ZSWIM6: variants seen among roughly 807,000 people sequenced by gnomAD.
The protein encoded by ZSWIM6 is zinc finger SWIM domain-containing protein 6.
In ZSWIM6, 9 loss-of-function variants were observed where a neutral mutation model predicts 113.2. The ratio of observed to expected loss-of-function variants is 0.08; its 90% CI spans 0.05 to 0.14. The LOEUF (loss-of-function observed/expected upper bound fraction) is 0.14. Ranked by LOEUF, ZSWIM6 falls within the 10% of genes least tolerant of loss-of-function variation. ZSWIM6 has a pLI of 1.00. For missense variants in ZSWIM6, 1,162 were observed against 1,552.2 expected (o/e 0.75, Z 4.22); for synonymous variants, 611 against 606.5 (o/e 1.01, Z -0.11).
chr5:61,535,264 T>C (rs1459526609), intron 9 of ZSWIM6, among the ~76,000 whole-genome samples: 1 of 152,234 alleles, frequency 6.6e-6, no homozygotes, highest in Non-Finnish European at 1.5e-5. Context: ...TTCATCTAGC[T>C]GTGGGACAGT....
intron 4 of ZSWIM6, among the ~76,000 whole-genome samples, chr5:61,519,583 G>A (rs779491210): frequency 2.0e-5 from 3 of 152,224 alleles, no homozygotes; most frequent in South Asian, 2.1e-4. Flanking sequence ...TTATCATTGG[G>A]AGGGACGGGT....
At chr5:61,493,968 T>G (rs1748252646) in intron 3 of ZSWIM6, among the ~76,000 whole-genome samples, 1 of 152,158 alleles carries the variant, frequency 6.6e-6, no homozygotes, top group Admixed American at 6.6e-5. Context: ...AGAGCATTTT[T>G]TCTTCATATG....
chr5:61,332,570 C>A lies in ZSWIM6; in HGVS notation c.298C>A (p.Arg100Ser). ...CCAGCGCGTGGAGGAGCGCTTTGAGCGCATCCCGGAGCCGGTGCAGCGCCG... is the reference window on the plus strand; with the variant it reads ...CCAGCGCGTGGAGGAGCGCTTTGAGAGCATCCCGGAGCCGGTGCAGCGCCG... The part of the protein sequence containing the change: ...PFQRVEERFE[R>S]IPEPVQRRIV... Residue 100 changes from arginine to serine, a missense_variant, in exon 1 of 14, where the codon CGC becomes AGC. Physicochemically the swap from Arg to Ser is moderately radical, Grantham distance 110. This residue lies in a region of ZSWIM6 where 333 missense variants were observed against 293.4 expected (regional missense o/e 1.13). Coordinates refer to ENST00000252744, the MANE Select transcript of ZSWIM6 (RefSeq NM_020928.2). The A allele has an allele frequency of 7.3e-7, 1 of 1,364,962 alleles. No homozygotes were observed. The highest frequency in any genetic ancestry group is 9.7e-7 in the Non-Finnish European group (1 of 1,032,234). The allele number at this position is 1,364,962 out of a possible 1,614,324, so 84.6% of individuals were successfully genotyped here.
chr5:61,332,437 G>A lies in ZSWIM6; in HGVS notation c.165G>A (p.Ala55=). The A allele has an allele frequency of 9.9e-7, 1 of 1,012,894 alleles. No individual in the cohort carries two copies. Among genetic ancestry groups the A allele is most frequent in the Non-Finnish European group, 1.2e-6 (1 of 850,918 alleles). The allele number at this position is 1,012,894 out of a possible 1,614,324, so 62.7% of individuals were successfully genotyped here. A position where few individuals can be genotyped will look rare whatever the true frequency, so the allele number is the denominator to read the frequency against. The change falls in exon 1 of 14, where the codon GCG becomes GCA. Residue 55 remains alanine, a synonymous_variant. Transcript: ENST00000252744. ...GPRAGGAAAA[A]ACGGGAALGL... is the part of the protein sequence containing the mutation. Reference sequence around the variant, plus strand: ...GGGCGGGTGGCGCGGCGGCGGCGGCGGCGTGCGGGGGCGGCGCGGCGCTGG... The same window carrying A: ...GGGCGGGTGGCGCGGCGGCGGCGGCAGCGTGCGGGGGCGGCGCGGCGCTGG...
intron 1 of ZSWIM6, among the ~76,000 whole-genome samples, chr5:61,396,459 A>G (rs1745839421): frequency 6.7e-6 from 1 of 148,478 alleles, no homozygotes; most frequent in South Asian, 2.1e-4. Context: ...TTGAACCGGG[A>G]GGCAGAGGTT....
chr5:61,354,449 T>G (rs1744856767), intron 1 of ZSWIM6, among the ~76,000 whole-genome samples: 1 of 152,080 alleles, frequency 6.6e-6, no homozygotes. Context: ...CTCTCTGGAG[T>G]GAATGGTTCA....
At chr5:61,534,912 A>G (rs1358368530) in intron 9 of ZSWIM6, among the ~76,000 whole-genome samples, 1 of 152,102 alleles carries the variant, frequency 6.6e-6, no homozygotes, top group Non-Finnish European at 1.5e-5. Flanking sequence ...CTTTTTATTA[A>G]TAATCACTTT....
At chr5:61,334,288 G>A (rs966360002) in intron 1 of ZSWIM6, among the ~76,000 whole-genome samples, 1 of 152,118 alleles carries the variant, frequency 6.6e-6, no homozygotes, top group African/African-American at 2.4e-5. Context: ...GTTTGAGCCA[G>A]ACTGAAAAGA....
At chr5:61,483,186 G>A (rs1747923908) in intron 2 of ZSWIM6, among the ~76,000 whole-genome samples, 1 of 152,148 alleles carries the variant, frequency 6.6e-6, no homozygotes, top group Non-Finnish European at 1.5e-5. Context: ...AGGGCGTTGC[G>A]TGGTAAGGGA....
intron 4 of ZSWIM6, among the ~76,000 whole-genome samples, chr5:61,519,678 G>A (rs1007736842): frequency 6.6e-6 from 1 of 152,060 alleles, no homozygotes; most frequent in Non-Finnish European, 1.5e-5. Context: ...AATATCTGTG[G>A]CTTAGATGGG....
intron 1 of ZSWIM6, among the ~76,000 whole-genome samples, chr5:61,467,843 C>G (rs1022561802): frequency 4.0e-5 from 6 of 148,596 alleles, no homozygotes; most frequent in East Asian, 1.9e-4. Flanking sequence ...GATTCTTCTA[C>G]TATTGTCTGA....
At chr5:61,505,571 C>T (rs1748579245) in intron 4 of ZSWIM6, among the ~76,000 whole-genome samples, 1 of 151,578 alleles carries the variant, frequency 6.6e-6, no homozygotes, top group African/African-American at 2.4e-5. Flanking sequence ...TCCAGGATAC[C>T]AGTTAATTGT....
chr5:61,489,629 G>A (rs1366323973), intron 2 of ZSWIM6, among the ~76,000 whole-genome samples: 1 of 151,962 alleles, frequency 6.6e-6, no homozygotes, highest in East Asian at 1.9e-4. Context: ...ATTTCTTATT[G>A]TGGGTCTTGT....
At chr5:61,430,030 G>A (rs1035817121) in intron 1 of ZSWIM6, among the ~76,000 whole-genome samples, 5 of 152,216 alleles carry the variant, frequency 3.3e-5, no homozygotes, top group African/African-American at 1.2e-4. Context: ...AGGGTTTTAT[G>A]TTGTATTGTC....
intron 1 of ZSWIM6, chr5:61,391,265 G>T: frequency 1.1e-6 from 1 of 898,568 alleles, no homozygotes; most frequent in Non-Finnish European, 1.9e-6. Flanking sequence ...GGTACCTGCT[G>T]CTCAAGCCTC....
chr5:61,486,733 G>A (rs1200225357), intron 2 of ZSWIM6, among the ~76,000 whole-genome samples: 1 of 151,950 alleles, frequency 6.6e-6, no homozygotes, highest in East Asian at 1.9e-4. Context: ...TTGGCCATTT[G>A]TATGTCTTCT....
At chr5:61,507,830 G>T (rs1249027487) in intron 4 of ZSWIM6, among the ~76,000 whole-genome samples, 1 of 152,062 alleles carries the variant, frequency 6.6e-6, no homozygotes, top group South Asian at 2.1e-4. Context: ...TACATTATAT[G>T]CTGAAATATG....
At chr5:61,470,171 C>T (rs1252916804) in intron 1 of ZSWIM6, among the ~76,000 whole-genome samples, 1 of 152,186 alleles carries the variant, frequency 6.6e-6, no homozygotes, top group Non-Finnish European at 1.5e-5. Context: ...TCTCCAATAT[C>T]ACTTTTGCAG....
intron 1 of ZSWIM6, among the ~76,000 whole-genome samples, chr5:61,466,568 C>T (rs1011842916): frequency 1.3e-5 from 2 of 152,030 alleles, no homozygotes; most frequent in Non-Finnish European, 2.9e-5. Context: ...GTACACAGGG[C>T]GCATATTTTT....
Sources: allele counts gnomAD v4.1 joint callset (sites outside exome capture counted in the v4.1 genomes callset), GRCh38; gene constraint gnomAD v4.1.1; regional missense constraint gnomAD v4.1.1; transcripts MANE v1.5; gene names NCBI Gene and HGNC (gene_info 2026-07-23, HGNC 2026-07-21).